The following ROBO1 variants were observed in gnomAD, a reference collection of about 807,000 sequenced individuals.
ROBO1 encodes the protein roundabout guidance receptor 1.
Under a neutral mutation model 195.9 loss-of-function variants are expected in ROBO1, and 149 were observed. The ratio of observed to expected loss-of-function variants is 0.76; its 90% CI spans 0.67 to 0.87. The LOEUF is 0.87. Among genes scored for constraint, ROBO1 ranks in the 40% least tolerant of loss-of-function variants. The pLI, the probability that ROBO1 is intolerant of heterozygous loss-of-function variation, is 0.00. For synonymous variants in ROBO1, 816 were observed against 733.2 expected (o/e 1.11, Z -1.82); for missense variants, 1,933 against 2,068.3 (o/e 0.93, Z 1.27).
chr3:78,868,723 A>C (rs1276634526), intron 4 of ROBO1, among the ~76,000 whole-genome samples: 1 of 152,188 alleles, frequency 6.6e-6, no homozygotes, highest in Non-Finnish European at 1.5e-5. Flanking sequence ...ACTCAAGCAC[A>C]GCATAAAAGG....
intron 2 of ROBO1, among the ~76,000 whole-genome samples, chr3:79,555,596 T>C (rs1244356752): frequency 6.6e-6 from 1 of 152,120 alleles, no homozygotes; most frequent in Non-Finnish European, 1.5e-5. Context: ...ATCTCCTAGT[T>C]TCTGAACTGC....
chr3:78,830,166 T>C (rs1369635082), intron 4 of ROBO1, among the ~76,000 whole-genome samples: 1 of 152,234 alleles, frequency 6.6e-6, no homozygotes, highest in African/African-American at 2.4e-5. Flanking sequence ...TTTCTTTCTA[T>C]GTGTCTCTTC....
chr3:79,247,531 A>AC (rs1553706739), intron 2 of ROBO1, among the ~76,000 whole-genome samples: 1 of 151,618 alleles, frequency 6.6e-6, no homozygotes, highest in African/African-American at 2.4e-5. Flanking sequence ...GAAAATAAAC[A>AC]TTTTTTTTAA....
At chr3:78,657,520 G>A (rs1249047819) in intron 17 of ROBO1, among the ~76,000 whole-genome samples, 3 of 152,138 alleles carry the variant, frequency 2.0e-5, no homozygotes, top group Non-Finnish European at 2.9e-5. Flanking sequence ...TATCAGGTAA[G>A]TCTACAAATC....
chr3:79,337,200 G>C (rs561403798), intron 2 of ROBO1, among the ~76,000 whole-genome samples: 130 of 152,302 alleles, frequency 8.5e-4, no homozygotes, highest in African/African-American at 3.0e-3. Context: ...TTGGGGGACT[G>C]TTGGAATTAC....
At chr3:78,758,116 G>A (rs892316303) in intron 4 of ROBO1, among the ~76,000 whole-genome samples, 1 of 152,140 alleles carries the variant, frequency 6.6e-6, no homozygotes, top group South Asian at 2.1e-4. Context: ...CTAGAATCAC[G>A]CTAACAACTC....
intron 2 of ROBO1, among the ~76,000 whole-genome samples, chr3:79,544,603 G>A (rs933602456): frequency 4.0e-5 from 6 of 151,734 alleles, no homozygotes; most frequent in Admixed American, 2.6e-4. Context: ...TAATATTATC[G>A]ATTGTTTATA....
chr3:79,689,831 C>T (rs962707800), intron 1 of ROBO1, among the ~76,000 whole-genome samples: 1 of 151,816 alleles, frequency 6.6e-6, no homozygotes, highest in South Asian at 2.1e-4. Flanking sequence ...AATGTCTACA[C>T]AGAAATAACA....
chr3:79,389,032 T>A (rs2036852664), intron 2 of ROBO1, among the ~76,000 whole-genome samples: 1 of 152,036 alleles, frequency 6.6e-6, no homozygotes, highest in Admixed American at 6.6e-5. Flanking sequence ...CTAGCTAAAT[T>A]AATAATAAAA....
intron 19 of ROBO1, among the ~76,000 whole-genome samples, chr3:78,649,705 G>A (rs2107611468): frequency 6.6e-6 from 1 of 152,264 alleles, no homozygotes; most frequent in East Asian, 1.9e-4. Context: ...AGGACAAAGT[G>A]AAGAAAGCAG....
At chr3:79,336,997 G>A (rs1339163462) in intron 2 of ROBO1, among the ~76,000 whole-genome samples, 1 of 152,180 alleles carries the variant, frequency 6.6e-6, no homozygotes, top group East Asian at 1.9e-4. Flanking sequence ...CTCTCATGGG[G>A]CCTATAGCCC....
At chr3:78,670,649 A>C (rs1480163562) in intron 10 of ROBO1, 1 of 173,272 alleles carries the variant, frequency 5.8e-6, no homozygotes, top group Non-Finnish European at 1.2e-5. Flanking sequence ...ATGAAAAAAC[A>C]CAACATAACA....
intron 2 of ROBO1, among the ~76,000 whole-genome samples, chr3:79,512,085 AAAAG>A (rs1432338231): frequency 1.1e-5 from 1 of 93,330 alleles, no homozygotes; most frequent in African/African-American, 5.6e-5. Flanking sequence ...TAATTTAATA[AAAAG>A]AAAGAAAACT....
intron 4 of ROBO1, among the ~76,000 whole-genome samples, chr3:78,863,831 G>A (rs1026492328): frequency 5.3e-5 from 8 of 152,178 alleles, no homozygotes; most frequent in East Asian, 1.9e-4. Context: ...TCCCTCCACC[G>A]TCAAAATCAT....
In ROBO1 at chr3:78,651,934, A is replaced by C; in HGVS notation, c.2615-5T>G. On this transcript the variant is annotated splice_polypyrimidine_tract_variant and splice_region_variant and intron_variant, in intron 18 of 30. Coordinates refer to ENST00000464233, the MANE Select transcript of ROBO1 (RefSeq NM_002941.4). ...ACACAGGGTTTCCATGGGCATCTGA[A>C]AAGTCATCTTCCGATTAATTTGGGT... The C allele has an allele frequency of 6.2e-7, 1 of 1,611,104 alleles. No individual in the cohort carries two copies. Among genetic ancestry groups the C allele is most frequent in the Non-Finnish European group, 8.5e-7 (1 of 1,178,386 alleles).
intron 4 of ROBO1, among the ~76,000 whole-genome samples, chr3:78,854,746 G>A (rs759800530): frequency 2.6e-5 from 4 of 151,930 alleles, no homozygotes; most frequent in Non-Finnish European, 4.4e-5. Context: ...GGTGATACAC[G>A]TTGGCAATTG....
chr3:79,073,280 A>G (rs2079118439), intron 3 of ROBO1, among the ~76,000 whole-genome samples: 1 of 152,026 alleles, frequency 6.6e-6, no homozygotes. Context: ...ATAAGATATT[A>G]GAAAAGATAT....
At chr3:78,970,212 T>C (rs939234251) in intron 3 of ROBO1, among the ~76,000 whole-genome samples, 2 of 152,198 alleles carry the variant, frequency 1.3e-5, no homozygotes, top group Admixed American at 1.3e-4. Flanking sequence ...AAATGAATGA[T>C]TTCCCAGCAC....
rs146260555 is a variant in ROBO1, at chr3:79,382,857, A to T, written c.88+206967T>A. Among the ~76,000 whole-genome samples the T allele has an allele frequency of 2.6e-3, 397 of 152,214 alleles. 2 individuals are homozygous for T. The highest frequency in any genetic ancestry group is 8.9e-3 in the African/African-American group (371 of 41,552). ...ATTTGGAGCATAGGTGGTGAGGCAC[A>T]TATTTAGATGGTGGTATTTTCCAGG... On this transcript the variant is annotated intron_variant, in intron 2 of 30. Coordinates refer to ENST00000464233, the MANE Select transcript of ROBO1 (RefSeq NM_002941.4).
Sources: allele counts gnomAD v4.1 joint callset (sites outside exome capture counted in the v4.1 genomes callset), GRCh38; gene constraint gnomAD v4.1.1; transcripts MANE v1.5; gene names NCBI Gene and HGNC (gene_info 2026-07-23, HGNC 2026-07-21).